The following BRINP2 variants were observed in gnomAD, a reference collection of about 807,000 sequenced individuals.
The protein encoded by BRINP2 is BMP/retinoic acid-inducible neural-specific protein 2.
Under a neutral mutation model 69.2 loss-of-function variants are expected in BRINP2, and 21 were observed. The ratio of observed to expected loss-of-function variants is 0.30; its 90% CI spans 0.22 to 0.44. BRINP2 has a LOEUF of 0.44. Among genes scored for constraint, BRINP2 ranks in the 20% least tolerant of loss-of-function variants. The pLI, the probability that BRINP2 is intolerant of heterozygous loss-of-function variation, is 1.00. For missense variants in BRINP2, 877 were observed against 986.0 expected (o/e 0.89, Z 1.48); for synonymous variants, 380 against 394.1 (o/e 0.96, Z 0.42).
Position 177,206,993 on chromosome 1 carries a change from G to A in BRINP2, c.-76-22808G>A, listed in dbSNP as rs1249376914. Among the ~76,000 whole-genome samples the A allele has an allele frequency of 2.0e-5, 3 of 152,244 alleles. No individual in the cohort carries two copies. In the East Asian group the frequency reaches 5.8e-4, roughly 29 times the overall value. On this transcript the variant is annotated intron_variant, in intron 1 of 7. Transcript: ENST00000361539. ...GGAAAACATAACAACCACAGGAGAG[G>A]GAGATTTCAGCTAATGATTCCACAC...
At chr1:177,185,387 G>A (rs1343194796) in intron 1 of BRINP2, among the ~76,000 whole-genome samples, 4 of 152,080 alleles carry the variant, frequency 2.6e-5, no homozygotes, top group Admixed American at 6.5e-5. Flanking sequence ...AATTTTCTAT[G>A]GAAAGTACTG....
intron 1 of BRINP2, among the ~76,000 whole-genome samples, chr1:177,209,456 C>A (rs977547596): frequency 6.6e-6 from 1 of 152,116 alleles, no homozygotes; most frequent in Admixed American, 6.5e-5. Context: ...CTGCCTGGGC[C>A]ATCCTCACAG....
intron 1 of BRINP2, among the ~76,000 whole-genome samples, chr1:177,222,567 C>T (rs939243018): frequency 5.3e-5 from 8 of 152,150 alleles, no homozygotes; most frequent in African/African-American, 1.9e-4. Flanking sequence ...CCACCTCAAC[C>T]TCCCAAGGTG....
chr1:177,194,544 A>C (rs1011853713), intron 1 of BRINP2, among the ~76,000 whole-genome samples: 2 of 152,198 alleles, frequency 1.3e-5, no homozygotes, highest in African/African-American at 4.8e-5. Context: ...AGGAATGGGA[A>C]TGAGATGCAT....
Position 177,281,712 on chromosome 1 carries a change from G to A in BRINP2, c.*184G>A, listed in dbSNP as rs1475758388. ...AGAAACAGCTACTGCGTGCGTGCGCGCACGCATACACACACACACACACAC... is the reference window on the plus strand; with the variant it reads ...AGAAACAGCTACTGCGTGCGTGCGCACACGCATACACACACACACACACAC... On this transcript the variant is annotated 3_prime_UTR_variant, in exon 8 of 8. Coordinates refer to ENST00000361539, the MANE Select transcript of BRINP2 (RefSeq NM_021165.4). 24 of 668,066 alleles carry A rather than the reference G, an allele frequency of 3.6e-5. No individual in the cohort carries two copies. Among genetic ancestry groups the A allele is most frequent in the Middle Eastern group, 4.2e-4 (1 of 2,384 alleles). The allele number at this position is 668,066 out of a possible 1,614,324, so 41.4% of individuals were successfully genotyped here.
chr1:177,233,860 C>T (rs1649936127), intron 2 of BRINP2, among the ~76,000 whole-genome samples: 1 of 152,108 alleles, frequency 6.6e-6, no homozygotes, highest in Non-Finnish European at 1.5e-5. Flanking sequence ...CTCCTTTGTT[C>T]CAGGGATGAA....
At chr1:177,230,315 T>C (rs1042209659) in intron 2 of BRINP2, among the ~76,000 whole-genome samples, 170 bp downstream of exon 2, 1 of 151,888 alleles carries the variant, frequency 6.6e-6, no homozygotes, top group Non-Finnish European at 1.5e-5. Context: ...CATGTTAGTT[T>C]TTAAAAAAAG....
chr1:177,243,108 G>A (rs554630167), intron 2 of BRINP2, among the ~76,000 whole-genome samples: 1 of 151,984 alleles, frequency 6.6e-6, no homozygotes, highest in South Asian at 2.1e-4. Context: ...TTTGTGAGGG[G>A]TCGCCCATTA....
In BRINP2 at chr1:177,195,147, A is replaced by T. The variant is rs147468087; in HGVS notation, c.-77+23415A>T. Among the ~76,000 whole-genome samples, 635 of 152,144 alleles carry T rather than the reference A, an allele frequency of 4.2e-3. 7 individuals carry two copies. The highest frequency in any genetic ancestry group is 0.015 in the African/African-American group (612 of 41,532). On this transcript the variant is annotated intron_variant, in intron 1 of 7. Coordinates refer to ENST00000361539, the MANE Select transcript of BRINP2 (RefSeq NM_021165.4). ...CACTGTCCTGTTTCTTATTCATTGT[A>T]TTTGGTTCTAAATGACATTTTATCT...
At chr1:177,245,974 T>C (rs925726723) in intron 2 of BRINP2, among the ~76,000 whole-genome samples, 3 of 152,148 alleles carry the variant, frequency 2.0e-5, no homozygotes, top group Non-Finnish European at 4.4e-5. Context: ...TAGAATGAAA[T>C]TGGCCAATCA....
intron 4 of BRINP2, among the ~76,000 whole-genome samples, chr1:177,266,001 T>A (rs1361492486): frequency 6.6e-6 from 1 of 151,760 alleles, no homozygotes; most frequent in Non-Finnish European, 1.5e-5. Flanking sequence ...GCGCCTGTAG[T>A]CCCAGCTACT....
At chr1:177,251,339 A>G (rs1336696895) in intron 2 of BRINP2, among the ~76,000 whole-genome samples, 1 of 152,234 alleles carries the variant, frequency 6.6e-6, no homozygotes, top group African/African-American at 2.4e-5. Context: ...AAAAAGTGGA[A>G]TGTTCTGGGT....
At position 177,200,103 on chromosome 1, in the gene BRINP2, G is replaced by A. The variant is rs369729727; in HGVS notation, c.-77+28371G>A. Among the ~76,000 whole-genome samples, 37 of 151,828 alleles carry A rather than the reference G, an allele frequency of 2.4e-4. No individual in the cohort carries two copies. The South Asian group carries it at 7.5e-3, about 31-fold the overall frequency. On this transcript the variant is annotated intron_variant, in intron 1 of 7. Transcript: ENST00000361539. ...GGTCAGGAGTTCGAGACCAGCCTGG[G>A]CAACATGCTGAAACCCCATCTCTAT...
intron 2 of BRINP2, among the ~76,000 whole-genome samples, chr1:177,232,317 C>T (rs1272418529): frequency 2.0e-5 from 3 of 152,278 alleles, no homozygotes; most frequent in African/African-American, 4.8e-5. Flanking sequence ...TGTCTGTAAT[C>T]ATTTCTGCAC....
At chr1:177,219,830 G>T (rs1649473975) in intron 1 of BRINP2, among the ~76,000 whole-genome samples, 1 of 152,216 alleles carries the variant, frequency 6.6e-6, no homozygotes, top group African/African-American at 2.4e-5. Context: ...ATTGGCTTGG[G>T]TTTATTTTGG....
chr1:177,213,568 C>T (rs1649288502), intron 1 of BRINP2, among the ~76,000 whole-genome samples: 1 of 152,152 alleles, frequency 6.6e-6, no homozygotes, highest in South Asian at 2.1e-4. Flanking sequence ...AAAGAATTGA[C>T]TGAAAACCAC....
At chr1:177,193,932 C>G (rs1648666515) in intron 1 of BRINP2, among the ~76,000 whole-genome samples, 2 of 152,194 alleles carry the variant, frequency 1.3e-5, no homozygotes, top group African/African-American at 2.4e-5. Flanking sequence ...AGGAGACGGA[C>G]TTGCTCAAGG....
At chr1:177,185,248 C>T (rs1315704443) in intron 1 of BRINP2, among the ~76,000 whole-genome samples, 3 of 152,298 alleles carry the variant, frequency 2.0e-5, no homozygotes, top group African/African-American at 7.2e-5. Context: ...TCACATTAGA[C>T]CGGTCTGGAA....
intron 1 of BRINP2, among the ~76,000 whole-genome samples, chr1:177,185,813 A>G (rs1648409609): frequency 6.6e-6 from 1 of 152,202 alleles, no homozygotes; most frequent in African/African-American, 2.4e-5. Context: ...TCACAGCTCT[A>G]TCAGACAGCC....
Sources: allele counts gnomAD v4.1 joint callset (sites outside exome capture counted in the v4.1 genomes callset), GRCh38; gene constraint gnomAD v4.1.1; transcripts MANE v1.5; gene names NCBI Gene and HGNC (gene_info 2026-07-23, HGNC 2026-07-21).